Variants in DOCK8 observed in about 807,000 individuals in gnomAD.
DOCK8 encodes the protein dedicator of cytokinesis protein 8.
A neutral mutation model predicts 245.6 loss-of-function variants in DOCK8; 141 were observed. That is an observed-to-expected ratio of 0.57 (90% CI 0.50 to 0.66). The LOEUF (loss-of-function observed/expected upper bound fraction) is 0.66, where lower values mean the gene tolerates loss of function less well. Ranked by LOEUF, DOCK8 falls within the 30% of genes least tolerant of loss-of-function variation. DOCK8 has a pLI of 0.00. For synonymous variants in DOCK8, 1,168 were observed against 970.2 expected (o/e 1.20, Z -3.79); for missense variants, 2,965 against 2,603.4 (o/e 1.14, Z -3.02).
intron 2 of DOCK8, among the ~76,000 whole-genome samples, chr9:281,950 G>C (rs114979403): frequency 1.9e-3 from 292 of 152,326 alleles, no homozygotes; most frequent in African/African-American, 6.0e-3. Context: ...ACCGTACTCA[G>C]TAATGCTGTC....
rs562436869 is a variant in DOCK8, at chr9:237,996, C to T, written c.53+22967C>T. On this transcript the variant is annotated intron_variant, in intron 1 of 47. Transcript: ENST00000432829. ...ATAGCTGAGTTATAGTCCGGCCCCT[C>T]CTCTGTAGAGGAGGATTTATAGGAG... Among the ~76,000 whole-genome samples the T allele has an allele frequency of 5.9e-5, 9 of 152,264 alleles. No homozygotes were observed. The South Asian group carries it at 1.9e-3, about 32-fold the overall frequency.
rs113085112 is a variant in DOCK8, at chr9:311,888, A to G, written c.529-66A>G. The stretch of plus-strand genomic sequence containing the variant: ...AATTGGAGCAGTCTTGAGACATCCA[A>G]GATTCTTCGGTTCTCATTTTAGACT... On this transcript the variant is annotated intron_variant, in intron 5 of 47. Transcript: ENST00000432829. 4.4e-3 allele frequency: 7,009 copies of G among 1,588,628 alleles called. 295 individuals are homozygous for G. The African/African-American group carries it at 0.082, about 18-fold the overall frequency.
chr9:268,895 C>T (rs1455424460), intron 1 of DOCK8, among the ~76,000 whole-genome samples: 1 of 152,190 alleles, frequency 6.6e-6, no homozygotes, highest in Non-Finnish European at 1.5e-5. Flanking sequence ...GTGGTCTAAT[C>T]TGCTGGTTTT....
chr9:232,329 TTCA>T (rs1235181170), intron 1 of DOCK8, among the ~76,000 whole-genome samples: 6 of 152,218 alleles, frequency 3.9e-5, no homozygotes, highest in Non-Finnish European at 8.8e-5. Context: ...TACATCAATG[TTCA>T]TCAAGGATAT....
In DOCK8 at chr9:463,546, G is replaced by A. The variant is rs558033558; in HGVS notation, c.6098G>A (p.Arg2033His). 42 of 1,614,124 alleles carry A rather than the reference G, an allele frequency of 2.6e-5. No homozygotes were observed. Among genetic ancestry groups the A allele is most frequent in the African/African-American group, 4.0e-5 (3 of 74,994 alleles). Residue 2033 changes from arginine (R) to histidine (H), a missense_variant, in exon 47 of 48, where the codon CGT (arginine) becomes CAT (histidine). Around this residue, in one of 3 missense-constraint regions of DOCK8, gnomAD observed 134 missense variants for 128.1 expected, o/e 1.05. Coordinates refer to ENST00000432829, the MANE Select transcript of DOCK8 (RefSeq NM_203447.4). The stretch of plus-strand genomic sequence containing the variant: ...GGTGAAGCTGTAGAGAAAAACAAGC[G>A]TCTCATCACGGCAGACCAGAGGGAA... ...RCGEAVEKNK[R>H]LITADQREYQ...
chr9:401,183 T>A (rs138278234), intron 26 of DOCK8, among the ~76,000 whole-genome samples: 1 of 152,170 alleles, frequency 6.6e-6, no homozygotes, highest in African/African-American at 2.4e-5. Flanking sequence ...TGGGTCTTAA[T>A]TTCCTCAGTT....
In DOCK8 at chr9:325,656, C is replaced by A; in HGVS notation, c.828-15C>A. 1.2e-6 allele frequency: 2 copies of A among 1,611,958 alleles called. No individual in the cohort carries two copies. Among genetic ancestry groups the A allele is most frequent in the Non-Finnish European group, 1.7e-6 (2 of 1,178,022 alleles). Reference sequence around the variant, plus strand: ...AACTCAAAGCCACATAGATTTTCCTCTCTTTCTATGGTAGGTTCGAGATTG... The same window carrying A: ...AACTCAAAGCCACATAGATTTTCCTATCTTTCTATGGTAGGTTCGAGATTG... On this transcript the variant is annotated splice_polypyrimidine_tract_variant and intron_variant, in intron 7 of 47. Coordinates refer to ENST00000432829, the MANE Select transcript of DOCK8 (RefSeq NM_203447.4).
chr9:285,265 C>G (rs777002266), intron 2 of DOCK8, among the ~76,000 whole-genome samples: 1 of 152,166 alleles, frequency 6.6e-6, no homozygotes, highest in Non-Finnish European at 1.5e-5. Context: ...CCTCTTGCCT[C>G]TTCAACAGCG....
intron 28 of DOCK8, among the ~76,000 whole-genome samples, chr9:407,564 C>A (rs1453561279): frequency 1.3e-5 from 2 of 152,126 alleles, no homozygotes; most frequent in African/African-American, 2.4e-5. Context: ...CTTCTGAATC[C>A]TTTTACCTCT....
chr9:222,043 T>C (rs1177787630), intron 1 of DOCK8, among the ~76,000 whole-genome samples: 2 of 151,982 alleles, frequency 1.3e-5, no homozygotes, highest in African/African-American at 4.8e-5. Flanking sequence ...GAGAATCAGT[T>C]GAGCCCAGGA....
At chr9:339,549 T>C (rs2051478652) in intron 13 of DOCK8, among the ~76,000 whole-genome samples, 1 of 152,198 alleles carries the variant, frequency 6.6e-6, no homozygotes, top group Admixed American at 6.5e-5. Context: ...GGAGTCTTGC[T>C]CTGTCACCAG....
intron 1 of DOCK8, among the ~76,000 whole-genome samples, chr9:247,982 T>TAAAA (rs61282524): frequency 1.4e-5 from 2 of 145,070 alleles, no homozygotes; most frequent in East Asian, 2.0e-4. Context: ...TTCTCTAAGT[T>TAAAA]AAAAAAAAAA....
intron 4 of DOCK8, among the ~76,000 whole-genome samples, chr9:293,911 G>C (rs553013908): frequency 1.3e-5 from 2 of 152,188 alleles, no homozygotes; most frequent in Non-Finnish European, 2.9e-5. Context: ...GTGCATTAAG[G>C]AAAAGGCAAA....
In DOCK8 at chr9:446,579, C is replaced by T. The variant is rs778296614; in HGVS notation, c.5790C>T (p.Thr1930=). Reference sequence around the variant, plus strand: ...TGCACGCCTTCCCCTACATCAAGACCAGGATCAGCGTCATCCAGAAGGAGG... The same window carrying T: ...TGCACGCCTTCCCCTACATCAAGACTAGGATCAGCGTCATCCAGAAGGAGG... The part of the protein sequence containing the change: ...TTMHAFPYIK[T]RISVIQKEEF... The change falls in exon 44 of 48, where the codon ACC becomes ACT. Residue 1930 remains threonine, a synonymous_variant. Transcript: ENST00000432829. 2.4e-5 allele frequency: 39 copies of T among 1,614,204 alleles called. No individual in the cohort carries two copies. Among genetic ancestry groups the T allele is most frequent in the East Asian group, 1.6e-4 (7 of 44,880 alleles).
intron 43 of DOCK8, among the ~76,000 whole-genome samples, chr9:445,878 C>T (rs962877589): frequency 6.6e-6 from 1 of 152,150 alleles, no homozygotes; most frequent in Non-Finnish European, 1.5e-5. Flanking sequence ...CATAAGAGAC[C>T]GCCAGCTTCT....
chr9:382,094 A>G (rs748582027), intron 21 of DOCK8, among the ~76,000 whole-genome samples: 2 of 152,252 alleles, frequency 1.3e-5, no homozygotes, highest in South Asian at 2.1e-4. Context: ...AGATGACTCT[A>G]TGGATTTTTG....
chr9:434,610 T>G (rs963382495), intron 38 of DOCK8, among the ~76,000 whole-genome samples, 173 bp from the exon 39 acceptor site: 7 of 152,200 alleles, frequency 4.6e-5, no homozygotes, highest in African/African-American at 1.7e-4. Flanking sequence ...TAAAAATAGT[T>G]GGACTAATAA....
chr9:211,329 G>C (rs1449057947), upstream of DOCK8, among the ~76,000 whole-genome samples: 1 of 152,044 alleles, frequency 6.6e-6, no homozygotes, highest in African/African-American at 2.4e-5. Context: ...AAAGAATAAA[G>C]CTGGTTTTGT....
intron 7 of DOCK8, among the ~76,000 whole-genome samples, chr9:318,874 G>C (rs1401747442): frequency 1.3e-5 from 2 of 152,234 alleles, no homozygotes; most frequent in Non-Finnish European, 2.9e-5. Context: ...TATGTCATTT[G>C]AGATGGCAGA....
Sources: allele counts gnomAD v4.1 joint callset (sites outside exome capture counted in the v4.1 genomes callset), GRCh38; gene constraint gnomAD v4.1.1; regional missense constraint gnomAD v4.1.1; transcripts MANE v1.5; gene names NCBI Gene and HGNC (gene_info 2026-07-23, HGNC 2026-07-21).